The following FAM117A variants were observed in gnomAD, a reference collection of about 807,000 sequenced individuals.
FAM117A encodes the protein family with sequence similarity 117 member A.
In FAM117A, 21 loss-of-function variants were observed where a neutral mutation model predicts 44.1. The observed-to-expected ratio is 0.48, with a 90% confidence interval of 0.34 to 0.69. The LOEUF (loss-of-function observed/expected upper bound fraction) is 0.69, where lower values mean the gene tolerates loss of function less well. Among genes scored for constraint, FAM117A ranks in the 30% least tolerant of loss-of-function variants. FAM117A has a pLI of 0.01. For synonymous variants in FAM117A, 220 were observed against 238.3 expected, an observed-to-expected ratio of 0.92 and a Z score of 0.71; for missense variants, 498 against 589.9, an observed-to-expected ratio of 0.84 and a Z score of 1.61.
chr17:49,755,038 CAA>C (rs199709334), intron 1 of FAM117A, among the ~76,000 whole-genome samples: 14 of 43,230 alleles, frequency 3.2e-4, no homozygotes, highest in East Asian at 5.3e-4. Context: ...AACTCCGTCT[CAA>C]AAAAAAAAAA....
chr17:49,716,131 C>T, intron 7 of FAM117A, 34 bp downstream of exon 7: 1 of 1,437,402 alleles, frequency 7.0e-7, no homozygotes, highest in Non-Finnish European at 9.6e-7. Flanking sequence ...GGCCCACCCT[C>T]CCCTCCCACA....
At chr17:49,720,113 A>T (rs1445794116) in intron 4 of FAM117A, 4 of 691,490 alleles carry the variant, frequency 5.8e-6, no homozygotes, top group Non-Finnish European at 9.5e-6. Context: ...CATTGCCTCA[A>T]TTATATGGGG....
chr17:49,727,563 G>A (rs2073565453), intron 2 of FAM117A, among the ~76,000 whole-genome samples: 1 of 152,198 alleles, frequency 6.6e-6, no homozygotes, highest in Non-Finnish European at 1.5e-5. Context: ...CTTAGGTTAT[G>A]CAAAACTGGA....
chr17:49,744,889 C>T (rs1370523387), intron 1 of FAM117A, among the ~76,000 whole-genome samples: 2 of 151,126 alleles, frequency 1.3e-5, no homozygotes, highest in Non-Finnish European at 2.9e-5. Context: ...TGGTATGTGC[C>T]TGTAGGCCCA....
Position 49,727,738 on chromosome 17 carries a change from C to G in FAM117A, c.366+4813G>C, listed in dbSNP as rs1396490983. ...AACCCTCCAAACTGGAATCTCTCAGCCTCCAGCCCAAAAGTTTCTACCTAG... is the reference window on the plus strand; with the variant it reads ...AACCCTCCAAACTGGAATCTCTCAGGCTCCAGCCCAAAAGTTTCTACCTAG... On this transcript the variant is annotated intron_variant, in intron 2 of 7. Coordinates refer to ENST00000240364, the MANE Select transcript of FAM117A (RefSeq NM_030802.4). Among the ~76,000 whole-genome samples the G allele has an allele frequency of 3.9e-5, 6 of 152,334 alleles. No homozygotes were observed. In the East Asian group the frequency reaches 1.2e-3, roughly 29 times the overall value.
chr17:49,771,492 A>T (rs2073760911), intron 1 of FAM117A, among the ~76,000 whole-genome samples: 1 of 151,980 alleles, frequency 6.6e-6, no homozygotes, highest in Non-Finnish European at 1.5e-5. Context: ...TCATTAAAAA[A>T]AAAAAATGTC....
At chr17:49,758,246 C>A (rs777015220) in intron 1 of FAM117A, among the ~76,000 whole-genome samples, 1 of 150,598 alleles carries the variant, frequency 6.6e-6, no homozygotes, top group East Asian at 2.0e-4. Context: ...GCAGGAGAAG[C>A]GCTTGAATCT....
chr17:49,749,787 C>A (rs1444910887), intron 1 of FAM117A, among the ~76,000 whole-genome samples: 1 of 147,860 alleles, frequency 6.8e-6, no homozygotes, highest in Non-Finnish European at 1.5e-5. Flanking sequence ...GCAGTGGGCA[C>A]CCAATCAGCT....
At chr17:49,781,587 T>C (rs1404498350) in intron 1 of FAM117A, among the ~76,000 whole-genome samples, 1 of 152,244 alleles carries the variant, frequency 6.6e-6, no homozygotes, top group Non-Finnish European at 1.5e-5. Context: ...GAGAGCACAT[T>C]ACATCATAGC....
Position 49,726,969 on chromosome 17 carries a change from AC to A in FAM117A, c.367-4376del, listed in dbSNP as rs766619093. On this transcript the variant is annotated intron_variant, in intron 2 of 7. Transcript: ENST00000240364. ...ACTCCAGCCTGGGCAATAGAGTGAG[AC>A]CCTGTCTCAAAAAAAAAAGGAAAAA... is the stretch of plus-strand genomic sequence containing the variant. Among the ~76,000 whole-genome samples, 128 of 151,276 alleles carry A rather than the reference AC, an allele frequency of 8.5e-4. 2 individuals are homozygous for A. The highest frequency in any genetic ancestry group is 3.0e-4 in the Non-Finnish European group (20 of 67,784).
At chr17:49,752,808 T>A (rs147079570) in intron 1 of FAM117A, among the ~76,000 whole-genome samples, 3 of 152,008 alleles carry the variant, frequency 2.0e-5, no homozygotes, top group African/African-American at 7.3e-5. Context: ...ATGGTGTGGA[T>A]AGTCACCTTG....
chr17:49,782,797 G>A (rs1465395464), intron 1 of FAM117A, among the ~76,000 whole-genome samples: 1 of 151,146 alleles, frequency 6.6e-6, no homozygotes, highest in Non-Finnish European at 1.5e-5. Flanking sequence ...TAATCATTTT[G>A]AAATGGTGGA....
chr17:49,724,630 C>T (rs1299833381), intron 2 of FAM117A: 8 of 370,154 alleles, frequency 2.2e-5, no homozygotes, highest in African/African-American at 4.2e-5. Context: ...GTCAAGAGTT[C>T]AAGACCAGCC....
At chr17:49,760,928 C>G (rs904797316) in intron 1 of FAM117A, among the ~76,000 whole-genome samples, 1 of 152,164 alleles carries the variant, frequency 6.6e-6, no homozygotes, top group Admixed American at 6.5e-5. Context: ...TTTCATTTTT[C>G]TCTCCACTCT....
At chr17:49,773,178 G>A (rs942026465) in intron 1 of FAM117A, among the ~76,000 whole-genome samples, 3 of 152,098 alleles carry the variant, frequency 2.0e-5, no homozygotes, top group African/African-American at 7.2e-5. Flanking sequence ...GGTGGTGGGC[G>A]CCTATAATCC....
intron 7 of FAM117A, among the ~76,000 whole-genome samples, chr17:49,712,204 T>C (rs535947885): frequency 3.3e-5 from 5 of 152,312 alleles, no homozygotes; most frequent in Admixed American, 2.0e-4. Context: ...ACAGACCACA[T>C]GCCTGAAAGC....
Position 49,732,547 on chromosome 17 carries a change from T to A in FAM117A, c.366+4A>T. On this transcript the variant is annotated splice_donor_region_variant and intron_variant, in intron 2 of 7. Coordinates refer to ENST00000240364, the MANE Select transcript of FAM117A (RefSeq NM_030802.4). The stretch of plus-strand genomic sequence containing the variant: ...CTTATCCCATCAGGAGAGAGCTTCA[T>A]TACCTGGGTGGCCTTGTCATTGGTG... The A allele has an allele frequency of 6.2e-7, 1 of 1,614,040 alleles. No individual in the cohort carries two copies. Among genetic ancestry groups the A allele is most frequent in the Non-Finnish European group, 8.5e-7 (1 of 1,179,978 alleles).
intron 2 of FAM117A, chr17:49,724,496 T>C: frequency 2.2e-6 from 1 of 456,212 alleles, no homozygotes; most frequent in Non-Finnish European, 4.4e-6. Context: ...TTCTGGGATA[T>C]GCGAGAGGAT....
chr17:49,764,177 GGGA>G, upstream of FAM117A: 2 of 648,694 alleles, frequency 3.1e-6, no homozygotes, highest in Non-Finnish European at 4.5e-6. Context: ...GTACGGGGCG[GGGA>G]CCGGCCCCCT....
Sources: allele counts gnomAD v4.1 joint callset (sites outside exome capture counted in the v4.1 genomes callset), GRCh38; gene constraint gnomAD v4.1.1; transcripts MANE v1.5; gene names NCBI Gene and HGNC (gene_info 2026-07-23, HGNC 2026-07-21).